The following EHHADH variants were observed in gnomAD, a reference collection of about 807,000 sequenced individuals.
EHHADH encodes peroxisomal bifunctional enzyme.
A neutral mutation model predicts 64.4 loss-of-function variants in EHHADH; 48 were observed. That is an observed-to-expected ratio of 0.75 (90% CI 0.59 to 0.95). The LOEUF is 0.95. EHHADH is among the 40% of genes least tolerant of loss of function. The pLI, the probability that EHHADH is intolerant of heterozygous loss-of-function variation, is 0.00. For synonymous variants in EHHADH, 308 were observed against 326.7 expected, an observed-to-expected ratio of 0.94 and a Z score of 0.62; for missense variants, 854 against 876.6, an observed-to-expected ratio of 0.97 and a Z score of 0.33.
In EHHADH at chr3:185,216,272, CTTAA is replaced by C. The variant is rs1366933141; in HGVS notation, c.568+1860_568+1863del. Among the ~76,000 whole-genome samples, 1 of 152,178 alleles carries C rather than the reference CTTAA, an allele frequency of 6.6e-6. No individual in the cohort carries two copies. Among genetic ancestry groups the C allele is most frequent in the African/African-American group, 2.4e-5 (1 of 41,436 alleles). ...GAACCTCAACTATTTCTTGAAGTAA[CTTAA>C]TTCTCAAATCAGAATCTAGGGAAAT... On this transcript the variant is annotated intron_variant, in intron 5 of 6. Transcript: ENST00000231887. The surrounding 1 kb of genome is among the most constrained non-coding windows in gnomAD (Gnocchi z 5.3).
At chr3:185,219,352 T>C (rs766693538) in intron 4 of EHHADH, among the ~76,000 whole-genome samples, 105 of 152,178 alleles carry the variant, frequency 6.9e-4, no homozygotes, top group Non-Finnish European at 1.0e-3. Context: ...CTGAGTGCTC[T>C]GTTGAGGGTT....
intron 1 of EHHADH, among the ~76,000 whole-genome samples, chr3:185,251,581 A>T (rs1719747719): frequency 6.7e-6 from 1 of 149,974 alleles, no homozygotes; most frequent in Admixed American, 6.7e-5. Flanking sequence ...AAGGATTTAA[A>T]CTATTTGTTT....
chr3:185,201,651 G>A (rs911355637), intron 6 of EHHADH, among the ~76,000 whole-genome samples: 2 of 152,156 alleles, frequency 1.3e-5, no homozygotes, highest in Admixed American at 6.5e-5. Flanking sequence ...GGGCAGAAAC[G>A]TCCAGATCCT....
intron 4 of EHHADH, among the ~76,000 whole-genome samples, chr3:185,220,633 G>A (rs772588979): frequency 2.0e-5 from 3 of 152,162 alleles, no homozygotes; most frequent in Non-Finnish European, 4.4e-5. Flanking sequence ...AAGAACTAAG[G>A]ATCTAAAGAC....
chr3:185,201,525 G>A (rs1158041173), intron 6 of EHHADH, among the ~76,000 whole-genome samples: 4 of 152,130 alleles, frequency 2.6e-5, no homozygotes, highest in South Asian at 2.1e-4. Context: ...AGGGTAAGCC[G>A]GGTTTCAGTC....
intron 5 of EHHADH, among the ~76,000 whole-genome samples, chr3:185,209,102 A>C (rs1040013354): frequency 6.6e-6 from 1 of 152,178 alleles, no homozygotes; most frequent in Non-Finnish European, 1.5e-5. Context: ...ATTTATGGGG[A>C]TGGCTGCACA....
intron 6 of EHHADH, among the ~76,000 whole-genome samples, chr3:185,204,132 CAAAAAAAAA>C (rs1220063126): frequency 9.8e-5 from 3 of 30,528 alleles, no homozygotes; most frequent in South Asian, 1.4e-3. Flanking sequence ...GACTCTGTCT[CAAAAAAAAA>C]AAAAAAAAAA....
In EHHADH at chr3:185,216,753, G is replaced by GA. The variant is rs3836458; in HGVS notation, c.568+1382dup. Among the ~76,000 whole-genome samples, 3 of 152,290 alleles carry GA rather than the reference G, an allele frequency of 2.0e-5. No homozygotes were observed. In the East Asian group the frequency reaches 5.8e-4, roughly 29 times the overall value. ...ATGACTCCTTCAAAAGAATGCCTTT[G>GA]AATGACACTGGGCCATTGCCTGCCA... On this transcript the variant is annotated intron_variant, in intron 5 of 6. Transcript: ENST00000231887. The surrounding 1 kb of genome is among the most constrained non-coding windows in gnomAD (Gnocchi z 5.3).
At chr3:185,196,670 C>T (rs1718073023) in intron 6 of EHHADH, among the ~76,000 whole-genome samples, 1 of 151,922 alleles carries the variant, frequency 6.6e-6, no homozygotes, top group African/African-American at 2.4e-5. Context: ...ATGATACATA[C>T]TATAACATGA....
At chr3:185,240,781 CATAAGT>C (rs1470454163) in intron 2 of EHHADH, among the ~76,000 whole-genome samples, 2 of 151,904 alleles carry the variant, frequency 1.3e-5, no homozygotes, top group Non-Finnish European at 2.9e-5. Flanking sequence ...GTAATATTTT[CATAAGT>C]ATATTTCTTT....
At chr3:185,232,728 G>A (rs376642675) in intron 3 of EHHADH, among the ~76,000 whole-genome samples, 17 of 152,172 alleles carry the variant, frequency 1.1e-4, no homozygotes, top group East Asian at 1.9e-4. Flanking sequence ...GATTACAGGC[G>A]TGAGCCACTG....
chr3:185,252,378 G>A (rs1027528808), intron 1 of EHHADH, among the ~76,000 whole-genome samples: 3 of 149,404 alleles, frequency 2.0e-5, no homozygotes, highest in Non-Finnish European at 4.4e-5. Flanking sequence ...CCAGCCTGGC[G>A]ACAGAGCAAG....
chr3:185,205,089 C>A (rs1718349413), intron 5 of EHHADH, among the ~76,000 whole-genome samples: 1 of 151,234 alleles, frequency 6.6e-6, no homozygotes, highest in African/African-American at 2.4e-5. Context: ...AATATTTAAT[C>A]TGTAATTAAT....
At chr3:185,196,675 A>G (rs551885544) in intron 6 of EHHADH, among the ~76,000 whole-genome samples, 7 of 152,268 alleles carry the variant, frequency 4.6e-5, no homozygotes, top group African/African-American at 1.7e-4. Flanking sequence ...ACATACTATA[A>G]CATGAATGAA....
intron 6 of EHHADH, among the ~76,000 whole-genome samples, chr3:185,194,762 C>T (rs1718009495): frequency 1.7e-5 from 2 of 120,892 alleles, no homozygotes; most frequent in African/African-American, 3.2e-5. Flanking sequence ...GATCACACTA[C>T]TGCACTCCAG....
chr3:185,235,977 T>C (rs1719281280), intron 2 of EHHADH, among the ~76,000 whole-genome samples: 1 of 152,218 alleles, frequency 6.6e-6, no homozygotes, highest in East Asian at 1.9e-4. Context: ...TATATGTTAA[T>C]CAAGCAGCTT....
At position 185,196,146 on chromosome 3, in the gene EHHADH, C is replaced by T. The variant is rs571829177; in HGVS notation, c.911-2659G>A. ...ATGGAATATTCCAAAATCTGAGATA[C>T]GATGAGACATTTTAAAATGAAATCT... is the stretch of plus-strand genomic sequence containing the variant. On this transcript the variant is annotated intron_variant, in intron 6 of 6. Transcript: ENST00000231887. Among the ~76,000 whole-genome samples, 6 of 152,056 alleles carry T rather than the reference C, an allele frequency of 3.9e-5. No homozygotes were observed. The South Asian group carries it at 1.0e-3, about 27-fold the overall frequency.
At chr3:185,218,501 T>C (rs903585434) in intron 4 of EHHADH, among the ~76,000 whole-genome samples, 4 of 152,132 alleles carry the variant, frequency 2.6e-5, no homozygotes, top group African/African-American at 7.2e-5. Context: ...AATTTCCTCA[T>C]TGGCAAATGG....
chr3:185,221,031 C>T (rs1718819035), intron 4 of EHHADH, among the ~76,000 whole-genome samples: 2 of 152,194 alleles, frequency 1.3e-5, no homozygotes, highest in African/African-American at 4.8e-5. Flanking sequence ...CTCTTTTCTG[C>T]ATGTTAAAAA....
Sources: allele counts gnomAD v4.1 joint callset (sites outside exome capture counted in the v4.1 genomes callset), GRCh38; gene constraint gnomAD v4.1.1; non-coding constraint Gnocchi (gnomAD v3.1); transcripts MANE v1.5; gene names NCBI Gene and HGNC (gene_info 2026-07-23, HGNC 2026-07-21).